Variants in ATP10D observed in about 807,000 individuals in gnomAD.
ATP10D encodes ATPase phospholipid transporting 10D (putative), also known as phospholipid-transporting ATPase VD.
A neutral mutation model predicts 144.8 loss-of-function variants in ATP10D; 89 were observed. That is an observed-to-expected ratio of 0.61 (90% CI 0.52 to 0.73). The LOEUF is 0.73. Among genes scored for constraint, ATP10D ranks in the 30% least tolerant of loss-of-function variants. ATP10D has a pLI of 0.00. For missense variants in ATP10D, 1,603 were observed against 1,714.8 expected, an observed-to-expected ratio of 0.93 and a Z score of 1.15; for synonymous variants, 571 against 615.1, an observed-to-expected ratio of 0.93 and a Z score of 1.06.
In ATP10D at chr4:47,525,297, G is replaced by A. The variant is rs576430492; in HGVS notation, c.691-260G>A. On this transcript the variant is annotated intron_variant, in intron 4 of 22. Coordinates refer to ENST00000273859, the MANE Select transcript of ATP10D (RefSeq NM_020453.4). ...TTTATAAGTATAAGCTCTCTTCTGGGGAGTCCTGTGTGGATTTCGGTAAAT... is the reference window on the plus strand; with the variant it reads ...TTTATAAGTATAAGCTCTCTTCTGGAGAGTCCTGTGTGGATTTCGGTAAAT... 6.6e-5 allele frequency among the ~76,000 whole-genome samples: 10 copies of A among 152,082 alleles called. No homozygotes were observed. In the South Asian group the frequency reaches 2.1e-3, roughly 32 times the overall value.
intron 22 of ATP10D, 149 bp downstream of exon 22, chr4:47,587,355 A>G: frequency 1.4e-6 from 1 of 723,826 alleles, no homozygotes; most frequent in African/African-American, 1.8e-5. Flanking sequence ...TTGGTTTTTA[A>G]CTCTTTTATC....
Position 47,546,617 on chromosome 4 carries a change from C to A in ATP10D, c.1397-7C>A. 6.2e-7 allele frequency: 1 copy of A among 1,612,686 alleles called. No individual in the cohort carries two copies. Among genetic ancestry groups the A allele is most frequent in the Non-Finnish European group, 8.5e-7 (1 of 1,178,766 alleles). Reference sequence around the variant, plus strand: ...GACATTGACTCAGTGTGCTTTTTATCCCACAGCCAGGAGGTTGGAGTCCTA... The same window carrying A: ...GACATTGACTCAGTGTGCTTTTTATACCACAGCCAGGAGGTTGGAGTCCTA... On this transcript the variant is annotated splice_region_variant and splice_polypyrimidine_tract_variant and intron_variant, in intron 9 of 22. Transcript: ENST00000273859.
At position 47,546,805 on chromosome 4, in the gene ATP10D, T is replaced by C; in HGVS notation, c.1578T>C (p.Ser526=). The C allele has an allele frequency of 6.2e-7, 1 of 1,613,544 alleles. No individual in the cohort carries two copies. Among genetic ancestry groups the C allele is most frequent in the Non-Finnish European group, 8.5e-7 (1 of 1,179,978 alleles). Residue 526 remains serine, a synonymous_variant, in exon 10 of 23, where the codon AGT becomes AGC. Coordinates refer to ENST00000273859, the MANE Select transcript of ATP10D (RefSeq NM_020453.4). ...HLAGSSFTLG[S]GEGASEVPHS... ...CTGGGAGCTCTTTTACTCTAGGAAG[T>C]GGAGAAGGAGCCAGTGAAGTGCCTC...
chr4:47,558,363 A>C, intron 12 of ATP10D, 90 bp downstream of exon 12: 1 of 1,490,168 alleles, frequency 6.7e-7, no homozygotes, highest in East Asian at 2.3e-5. Flanking sequence ...GCAAAGAAAC[A>C]GCTATCTGGG....
In ATP10D at chr4:47,515,354, A is replaced by G. The variant is rs116597196; in HGVS notation, c.291-122A>G. On this transcript the variant is annotated intron_variant, in intron 2 of 22. Transcript: ENST00000273859. Reference sequence around the variant, plus strand: ...AGATTCATTGTATTCTGCTAGTTCTATATTCTGTAACATACAAAATCTACT... The same window carrying G: ...AGATTCATTGTATTCTGCTAGTTCTGTATTCTGTAACATACAAAATCTACT... The G allele has an allele frequency of 4.4e-3, 3,109 of 712,272 alleles. 76 individuals are homozygous for G. In the African/African-American group the frequency reaches 0.045, roughly 10 times the overall value. 44.1% of individuals were successfully genotyped at this position (712,272 alleles called of 1,614,324 possible).
At chr4:47,586,918 G>C in intron 21 of ATP10D, 101 bp from the exon 22 acceptor site, 1 of 1,001,544 alleles carries the variant, frequency 1.0e-6, no homozygotes, top group South Asian at 1.6e-5. Context: ...CATTCATCCA[G>C]TGCTTAGATG....
chr4:47,503,900 A>C (rs1469150352), intron 1 of ATP10D, among the ~76,000 whole-genome samples: 1 of 151,714 alleles, frequency 6.6e-6, no homozygotes, highest in Non-Finnish European at 1.5e-5. Flanking sequence ...CCTGTCTAAA[A>C]AAAAATAATA....
intron 15 of ATP10D, among the ~76,000 whole-genome samples, chr4:47,564,375 A>G (rs1273924159): frequency 6.6e-6 from 1 of 152,058 alleles, no homozygotes; most frequent in African/African-American, 2.4e-5. Context: ...CTGGATTACC[A>G]GGGATCTGAC....
rs202023107 is a variant in ATP10D, at chr4:47,536,955, C to T, written c.1396+17C>T. The T allele has an allele frequency of 2.2e-3, 3,524 of 1,588,400 alleles. 7 individuals are homozygous for T. The highest frequency in any genetic ancestry group is 2.3e-3 in the Non-Finnish European group (2,712 of 1,168,876). On this transcript the variant is annotated intron_variant, in intron 9 of 22. Transcript: ENST00000273859. ...AAGAAAATGGTGAGTGTTGGATTTC[C>T]GTGAAAACCAACCTTAGCATTGGTC...
chr4:47,503,221 AT>A (rs1715811540), intron 1 of ATP10D, among the ~76,000 whole-genome samples: 1 of 152,100 alleles, frequency 6.6e-6, no homozygotes, highest in Admixed American at 6.5e-5. Context: ...ATAAATAAAA[AT>A]AAAATAAAAT....
rs1721121429 is a variant in ATP10D, at chr4:47,593,292, C to G, written c.*1911C>G. Reference sequence around the variant, plus strand: ...TCCAAAATCTCCAAACCTCTGAAAACTGAAATATTTTTCATAAATTAGGCG... The same window carrying G: ...TCCAAAATCTCCAAACCTCTGAAAAGTGAAATATTTTTCATAAATTAGGCG... On this transcript the variant is annotated 3_prime_UTR_variant, in exon 23 of 23. Coordinates refer to ENST00000273859, the MANE Select transcript of ATP10D (RefSeq NM_020453.4). 1.3e-5 allele frequency: 2 copies of G among 152,058 alleles called. No individual in the cohort carries two copies. Among genetic ancestry groups the G allele is most frequent in the African/African-American group, 4.8e-5 (2 of 41,432 alleles). 9.4% of individuals were successfully genotyped at this position (152,058 alleles called of 1,614,324 possible).
At chr4:47,558,823 A>T in intron 12 of ATP10D, 100 bp from the exon 13 acceptor site, 1 of 950,708 alleles carries the variant, frequency 1.1e-6, no homozygotes, top group Admixed American at 2.4e-5. Flanking sequence ...AGGCTTTTTT[A>T]TTTGTTTTTT....
At chr4:47,491,228 C>T (rs1202110146) in intron 1 of ATP10D, 1 of 771,520 alleles carries the variant, frequency 1.3e-6, no homozygotes, top group Non-Finnish European at 2.3e-6. Flanking sequence ...TTGCCCTTAA[C>T]TTGTTTACAA....
At chr4:47,589,711 C>T (rs1456237751) in intron 22 of ATP10D, among the ~76,000 whole-genome samples, 1 of 152,062 alleles carries the variant, frequency 6.6e-6, no homozygotes, top group Non-Finnish European at 1.5e-5. Context: ...GAAAGGTTTC[C>T]ATATTTCTCT....
chr4:47,523,127 C>T lies in ATP10D; in HGVS notation c.601C>T (p.Pro201Ser). Residue 201 changes from proline (P) to serine (S), a missense_variant, in exon 4 of 23, where the codon CCA becomes TCA. By Grantham distance (74) the Pro-to-Ser change is moderately conservative. Coordinates refer to ENST00000273859, the MANE Select transcript of ATP10D (RefSeq NM_020453.4). ...CATGGTACTACTCTTTTCCACTGAT[C>T]CAGATGGAATCTGTCACATTGAGAC... ...ADMVLLFSTD[P>S]DGICHIETSG... The T allele has an allele frequency of 6.2e-7, 1 of 1,613,898 alleles. No homozygotes were observed. Among genetic ancestry groups the T allele is most frequent in the Non-Finnish European group, 8.5e-7 (1 of 1,179,930 alleles).
chr4:47,572,752 G>T, intron 17 of ATP10D, 120 bp from the exon 18 acceptor site: 2 of 1,297,194 alleles, frequency 1.5e-6, no homozygotes, highest in Non-Finnish European at 2.1e-6. Context: ...TTCATGTATG[G>T]AACAAATGCG....
chr4:47,589,544 A>T (rs1211060855), intron 22 of ATP10D, among the ~76,000 whole-genome samples: 1 of 152,094 alleles, frequency 6.6e-6, no homozygotes. Flanking sequence ...AGCTACATTT[A>T]CTTATTAGTT....
intron 18 of ATP10D, 82 bp from the exon 19 acceptor site, chr4:47,576,691 T>C: frequency 1.5e-6 from 2 of 1,367,014 alleles, no homozygotes; most frequent in Non-Finnish European, 2.1e-6. Flanking sequence ...GTCACCCAGC[T>C]CAAAATGGCA....
chr4:47,550,053 G>A (rs898384886), intron 10 of ATP10D, among the ~76,000 whole-genome samples: 1 of 151,704 alleles, frequency 6.6e-6, no homozygotes, highest in African/African-American at 2.4e-5. Flanking sequence ...AAGTTGCAGT[G>A]GTGGAATGGT....
Sources: allele counts gnomAD v4.1 joint callset (sites outside exome capture counted in the v4.1 genomes callset), GRCh38; gene constraint gnomAD v4.1.1; transcripts MANE v1.5; gene names NCBI Gene and HGNC (gene_info 2026-07-23, HGNC 2026-07-21).